The following RGL1 variants were observed in gnomAD, a reference collection of about 807,000 sequenced individuals.
RGL1 encodes the protein ral guanine nucleotide dissociation stimulator-like 1.
In RGL1, 24 loss-of-function variants were observed where a neutral mutation model predicts 95.2. The observed-to-expected ratio is 0.25, with a 90% confidence interval of 0.18 to 0.35. The LOEUF (loss-of-function observed/expected upper bound fraction) is 0.35, where lower values mean the gene tolerates loss of function less well. Ranked by LOEUF, RGL1 falls within the 10% of genes least tolerant of loss-of-function variation. RGL1 has a pLI of 1.00. For missense variants in RGL1, 715 were observed against 936.3 expected, an observed-to-expected ratio of 0.76 and a Z score of 3.08; for synonymous variants, 329 against 344.9, an observed-to-expected ratio of 0.95 and a Z score of 0.51.
chr1:183,900,033 G>T, intron 10 of RGL1, 117 bp from the exon 11 acceptor site: 1 of 674,732 alleles, frequency 1.5e-6, no homozygotes. Flanking sequence ...ATGGAGGTTA[G>T]CACCACTGGC....
Position 183,913,182 on chromosome 1 carries a change from C to CTTTTTTTT in RGL1, c.1749+935_1749+942dup, listed in dbSNP as rs537751695. 3.5e-4 allele frequency among the ~76,000 whole-genome samples: 24 copies of CTTTTTTTT among 68,274 alleles called. 2 individuals carry two copies. The highest frequency in any genetic ancestry group is 6.3e-4 in the African/African-American group (10 of 15,940). The allele number at this position is 68,274 out of a possible 152,430, so 44.8% of individuals were successfully genotyped here. ...TAAGATCTTAATTAAGACCAGTCTT[C>CTTTTTTTT]TTTTTTTTTTTTTTTTTTTTTTTTT... On this transcript the variant is annotated intron_variant, in intron 15 of 17. Transcript: ENST00000360851.
In RGL1 at chr1:183,900,231, A is replaced by C. The variant is rs1411269600; in HGVS notation, c.1312A>C (p.Ile438Leu). Reference protein sequence around the residue: ...TMLDTALQDYIEGGLINFEKR... With the variant: ...TMLDTALQDYLEGGLINFEKR... The stretch of plus-strand genomic sequence containing the variant: ...GCTTGACACTGCCCTTCAGGACTAC[A>C]TCGAGGTGAGTTCCATGTGGGTGGT... The change falls in exon 11 of 18, where the codon ATC becomes CTC. Residue 438 changes from isoleucine (I) to leucine (L), a missense_variant. Physicochemically the swap from Ile to Leu is conservative, Grantham distance 5 (BLOSUM62 2). Transcript: ENST00000360851. 1 of 1,613,542 alleles carries C rather than the reference A, an allele frequency of 6.2e-7. No individual in the cohort carries two copies. The highest frequency in any genetic ancestry group is 8.5e-7 in the Non-Finnish European group (1 of 1,179,530).
chr1:183,863,286 T>A (rs534105876), intron 3 of RGL1, among the ~76,000 whole-genome samples: 1 of 152,072 alleles, frequency 6.6e-6, no homozygotes, highest in Admixed American at 6.5e-5. Context: ...ATGGGAGGGT[T>A]TCTCCCTTTT....
rs565369960 is a variant in RGL1 at position 183,693,059 on chromosome 1, A to G, written c.-32-49067A>G. Among the ~76,000 whole-genome samples the G allele has an allele frequency of 1.8e-4, 28 of 152,108 alleles. 1 individual carries two copies. The South Asian group carries it at 4.4e-3, about 24-fold the overall frequency. On this transcript the variant is annotated intron_variant, in intron 1 of 18. Transcript: ENST00000304685. ...AACCTCTGCCTCCGAGGTTCAAGCA[A>G]TTCTTCTGCCCCAGCCTACTGAGTA...
intron 10 of RGL1, among the ~76,000 whole-genome samples, chr1:183,898,158 G>T (rs557761948): frequency 6.6e-6 from 1 of 152,316 alleles, no homozygotes; most frequent in Admixed American, 6.5e-5. Context: ...AGGTGAGGGG[G>T]AGTCTACAGC....
At chr1:183,909,314 G>C (rs1356262334) in intron 14 of RGL1, among the ~76,000 whole-genome samples, 2 of 152,156 alleles carry the variant, frequency 1.3e-5, no homozygotes, top group East Asian at 3.8e-4. Flanking sequence ...GAAAACTTTG[G>C]GTGCTTAGGC....
intron 1 of RGL1, among the ~76,000 whole-genome samples, chr1:183,722,117 G>A (rs1045568726): frequency 2.6e-5 from 4 of 151,996 alleles, no homozygotes; most frequent in African/African-American, 9.7e-5. Context: ...CCACAGAGAA[G>A]TCTGTGGAGG....
intron 2 of RGL1, among the ~76,000 whole-genome samples, chr1:183,769,554 C>G (rs952410413): frequency 3.3e-5 from 5 of 152,212 alleles, no homozygotes; most frequent in Admixed American, 6.5e-5. Flanking sequence ...GTAGACACAA[C>G]ATATAACATA....
chr1:183,794,201 A>C (rs1458408627), intron 2 of RGL1, among the ~76,000 whole-genome samples: 2 of 152,158 alleles, frequency 1.3e-5, no homozygotes. Flanking sequence ...AAAGACAAAT[A>C]TTGCATGTTC....
intron 2 of RGL1, among the ~76,000 whole-genome samples, chr1:183,790,386 T>C (rs185380072): frequency 1.1e-4 from 16 of 152,304 alleles, no homozygotes; most frequent in Admixed American, 1.0e-3. Flanking sequence ...CCTGAACTGA[T>C]TTGAGGACCT....
At chr1:183,869,671 T>C (rs1666048068) in intron 4 of RGL1, among the ~76,000 whole-genome samples, 1 of 152,228 alleles carries the variant, frequency 6.6e-6, no homozygotes, top group Admixed American at 6.5e-5. Context: ...TTCACTATTA[T>C]TTTTTGGCTC....
upstream of RGL1, among the ~76,000 whole-genome samples, chr1:183,804,407 TA>T (rs746443806): frequency 3.9e-5 from 6 of 152,346 alleles, no homozygotes; most frequent in Non-Finnish European, 8.8e-5. Flanking sequence ...TCCATTATGA[TA>T]AAACTCCTGC....
chr1:183,847,352 G>A (rs1303707473), intron 2 of RGL1, among the ~76,000 whole-genome samples: 1 of 152,190 alleles, frequency 6.6e-6, no homozygotes, highest in African/African-American at 2.4e-5. Context: ...CTACTTGGGA[G>A]GCTGAGTCAG....
intron 4 of RGL1, among the ~76,000 whole-genome samples, chr1:183,878,160 C>CTATA: frequency 6.6e-6 from 1 of 151,228 alleles, no homozygotes; most frequent in Non-Finnish European, 1.5e-5. Context: ...TTCTATCTAT[C>CTATA]TATCTATCTA....
intron 2 of RGL1, among the ~76,000 whole-genome samples, chr1:183,777,516 T>C (rs991364624): frequency 5.3e-5 from 8 of 152,306 alleles, no homozygotes; most frequent in Middle Eastern, 3.4e-3. Context: ...TGTTCAAACA[T>C]AGGACGATTA....
chr1:183,733,184 C>T (rs1288774009), intron 1 of RGL1, among the ~76,000 whole-genome samples: 1 of 152,054 alleles, frequency 6.6e-6, no homozygotes, highest in Non-Finnish European at 1.5e-5. Flanking sequence ...ATGGGGCTCT[C>T]ATTAAAAATA....
At chr1:183,889,222 T>A (rs1328245396) in intron 8 of RGL1, among the ~76,000 whole-genome samples, 2 of 152,090 alleles carry the variant, frequency 1.3e-5, no homozygotes, top group Non-Finnish European at 2.9e-5. Flanking sequence ...TCAAAGAACT[T>A]TGTGCAAAGG....
chr1:183,802,428 G>A (rs1339241775), upstream of RGL1, among the ~76,000 whole-genome samples: 4 of 151,978 alleles, frequency 2.6e-5, no homozygotes, highest in East Asian at 3.8e-4. Context: ...AGGATCCTTC[G>A]TAGTTCCATT....
chr1:183,913,980 A>G (rs571924264), intron 15 of RGL1, among the ~76,000 whole-genome samples: 1 of 152,302 alleles, frequency 6.6e-6, no homozygotes, highest in South Asian at 2.1e-4. Context: ...ATTTTTCCTC[A>G]ACCCGGGATG....
Sources: allele counts gnomAD v4.1 joint callset (sites outside exome capture counted in the v4.1 genomes callset), GRCh38; gene constraint gnomAD v4.1.1; transcripts MANE v1.5; gene names NCBI Gene and HGNC (gene_info 2026-07-23, HGNC 2026-07-21).